CCDC150: variants seen among roughly 807,000 people sequenced by gnomAD.
CCDC150 encodes the protein coiled-coil domain containing 150.
CCDC150 carries 151 observed loss-of-function variants against 156.5 expected under a neutral mutation model. That is an observed-to-expected ratio of 0.97 (90% CI 0.85 to 1.10). The LOEUF is 1.10. Among genes scored for constraint, CCDC150 ranks in the 50% least tolerant of loss-of-function variants. CCDC150 has a pLI of 0.00. For synonymous variants in CCDC150, 452 were observed against 429.4 expected (o/e 1.05, Z -0.65); for missense variants, 1,312 against 1,268.1 (o/e 1.03, Z -0.53).
At chr2:196,648,249 C>T (rs941609486) in intron 2 of CCDC150, among the ~76,000 whole-genome samples, 25 of 152,230 alleles carry the variant, frequency 1.6e-4, no homozygotes, top group Middle Eastern at 3.4e-3. Context: ...AATTTGCATT[C>T]CCATCAACTA....
chr2:196,666,532 A>G (rs1302645684), intron 6 of CCDC150, among the ~76,000 whole-genome samples, 187 bp from the exon 7 acceptor site: 2 of 152,166 alleles, frequency 1.3e-5, no homozygotes, highest in Non-Finnish European at 2.9e-5. Flanking sequence ...GAGAGTGCAC[A>G]GAAGGTTCTA....
chr2:196,645,466 A>G (rs1692483257), intron 1 of CCDC150, among the ~76,000 whole-genome samples: 1 of 152,214 alleles, frequency 6.6e-6, no homozygotes, highest in Non-Finnish European at 1.5e-5. Context: ...TACGAACACT[A>G]TCGCTAGAAA....
chr2:196,641,899 G>C (rs1692253187), intron 1 of CCDC150, among the ~76,000 whole-genome samples: 2 of 152,166 alleles, frequency 1.3e-5, no homozygotes, highest in Non-Finnish European at 2.9e-5. Context: ...AATGGAGCCT[G>C]TGTCCACAGA....
rs58293065 is a variant in CCDC150, at chr2:196,668,338, A to G, written c.892+1490A>G. Reference sequence around the variant, plus strand: ...AAAAAAAGAAGATATAAAAGGATCCACACTGACTGTACCCAAAGACCCACA... The same window carrying G: ...AAAAAAAGAAGATATAAAAGGATCCGCACTGACTGTACCCAAAGACCCACA... On this transcript the variant is annotated intron_variant, in intron 7 of 27. Transcript: ENST00000389175. Among the ~76,000 whole-genome samples, 52 of 151,072 alleles carry G rather than the reference A, an allele frequency of 3.4e-4. No individual in the cohort carries two copies. In the East Asian group the frequency reaches 9.3e-3, roughly 27 times the overall value.
intron 2 of CCDC150, among the ~76,000 whole-genome samples, chr2:196,655,530 GATGCAAGTTA>G (rs1650977747): frequency 6.6e-6 from 1 of 152,166 alleles, no homozygotes; most frequent in African/African-American, 2.4e-5. Flanking sequence ...TTAACTCCCT[GATGCAAGTTA>G]GTTAGAAGCC....
chr2:196,669,394 G>A (rs1202650117), intron 7 of CCDC150, among the ~76,000 whole-genome samples: 3 of 152,140 alleles, frequency 2.0e-5, no homozygotes, highest in Non-Finnish European at 4.4e-5. Context: ...AAGCCATCAA[G>A]TCCAAAAGTG....
At chr2:196,670,917 C>T (rs1002832929) in intron 8 of CCDC150, among the ~76,000 whole-genome samples, 2 of 152,036 alleles carry the variant, frequency 1.3e-5, no homozygotes, top group Non-Finnish European at 2.9e-5. Context: ...AAGAGATTTC[C>T]CAAATACCTT....
At chr2:196,695,226 G>T in intron 14 of CCDC150, 67 bp downstream of exon 14, 1 of 766,154 alleles carries the variant, frequency 1.3e-6, no homozygotes, top group Non-Finnish European at 2.2e-6. Context: ...ACAACAACCA[G>T]AGGTCAGGAG....
At chr2:196,660,520 T>G (rs1250815239) in intron 5 of CCDC150, among the ~76,000 whole-genome samples, 7 of 152,224 alleles carry the variant, frequency 4.6e-5, no homozygotes, top group Non-Finnish European at 8.8e-5. Context: ...AATGGGTATG[T>G]AGTGGCATCC....
At chr2:196,650,125 G>A (rs1692788201) in intron 2 of CCDC150, among the ~76,000 whole-genome samples, 1 of 152,188 alleles carries the variant, frequency 6.6e-6, no homozygotes, top group Non-Finnish European at 1.5e-5. Context: ...TTAGCTGTAG[G>A]CTTATCATAT....
intron 6 of CCDC150, among the ~76,000 whole-genome samples, chr2:196,666,050 T>C (rs1693821994): frequency 6.6e-6 from 1 of 152,192 alleles, no homozygotes; most frequent in African/African-American, 2.4e-5. Context: ...CCTGGTCTCA[T>C]GCTGTATATG....
chr2:196,643,530 T>C (rs1692361131), intron 1 of CCDC150, among the ~76,000 whole-genome samples: 1 of 152,224 alleles, frequency 6.6e-6, no homozygotes, highest in Non-Finnish European at 1.5e-5. Flanking sequence ...ATAGGTTCCT[T>C]AGGGAAATAT....
At chr2:196,643,686 G>A (rs1487295147) in intron 1 of CCDC150, among the ~76,000 whole-genome samples, 1 of 152,092 alleles carries the variant, frequency 6.6e-6, no homozygotes, top group Admixed American at 6.6e-5. Context: ...TTATGTGCTT[G>A]GCTTCTGATA....
intron 13 of CCDC150, among the ~76,000 whole-genome samples, chr2:196,689,659 G>GT (rs1377172727): frequency 6.6e-6 from 1 of 151,528 alleles, no homozygotes; most frequent in African/African-American, 2.4e-5. Flanking sequence ...AGACAACGGG[G>GT]TTTTCTAGAT....
chr2:196,705,491 G>A (rs1377165145), intron 15 of CCDC150, among the ~76,000 whole-genome samples: 4 of 152,186 alleles, frequency 2.6e-5, no homozygotes, highest in African/African-American at 7.2e-5. Flanking sequence ...CTCCCATTCT[G>A]TAGGTTGCCT....
At chr2:196,690,174 A>G (rs892773810) in intron 13 of CCDC150, among the ~76,000 whole-genome samples, 2 of 147,894 alleles carry the variant, frequency 1.4e-5, no homozygotes, top group East Asian at 2.1e-4. Context: ...GAATTGAACA[A>G]TGAGAACACA....
At chr2:196,709,763 C>T (rs1025410970) in intron 15 of CCDC150, among the ~76,000 whole-genome samples, 2 of 152,198 alleles carry the variant, frequency 1.3e-5, no homozygotes, top group Non-Finnish European at 2.9e-5. Flanking sequence ...ACAGTCAGGT[C>T]CCTCAGCTGC....
intron 17 of CCDC150, among the ~76,000 whole-genome samples, chr2:196,717,815 CGGAA>C: frequency 6.6e-6 from 1 of 151,982 alleles, no homozygotes; most frequent in Non-Finnish European, 1.5e-5. Flanking sequence ...CGCTTGATCC[CGGAA>C]GGTGGAGGTT....
At chr2:196,729,722 C>T (rs1011182708) in intron 23 of CCDC150, 71 bp from the exon 24 acceptor site, 1 of 1,019,850 alleles carries the variant, frequency 9.8e-7, no homozygotes, top group African/African-American at 1.6e-5. Flanking sequence ...TTTCTGTCAT[C>T]CTATAGGCAA....
Sources: gnomAD v4.1 joint callset for allele counts (sites outside exome capture counted in the v4.1 genomes callset) on GRCh38, gnomAD v4.1.1 for gene constraint, MANE v1.5 for transcripts, NCBI Gene and HGNC (gene_info 2026-07-23, HGNC 2026-07-21) for gene names.